The following FAM135B variants were observed in gnomAD, a reference collection of about 807,000 sequenced individuals.
The protein encoded by FAM135B is protein FAM135B.
In FAM135B, 43 loss-of-function variants were observed where a neutral mutation model predicts 127.7. The ratio of observed to expected loss-of-function variants is 0.34; its 90% CI spans 0.26 to 0.43. The LOEUF is 0.43. Ranked by LOEUF, FAM135B falls within the 20% of genes least tolerant of loss-of-function variation. The pLI, the probability that FAM135B is intolerant of heterozygous loss-of-function variation, is 1.00. For missense variants in FAM135B, 1,558 were observed against 1,725.6 expected, an observed-to-expected ratio of 0.90 and a Z score of 1.72; for synonymous variants, 670 against 665.1, an observed-to-expected ratio of 1.01 and a Z score of -0.11.
At chr8:138,341,675 C>A (rs962817737) in intron 2 of FAM135B, among the ~76,000 whole-genome samples, 64 of 152,216 alleles carry the variant, frequency 4.2e-4, no homozygotes, top group African/African-American at 1.5e-3. Flanking sequence ...CTGCAAGAAT[C>A]CCCTGGAATC....
intron 1 of FAM135B, among the ~76,000 whole-genome samples, chr8:138,485,111 T>C (rs1289984003): frequency 1.3e-5 from 2 of 152,252 alleles, no homozygotes; most frequent in Non-Finnish European, 2.9e-5. Context: ...CAAATAGTTT[T>C]ATATTTAATT....
At chr8:138,411,508 C>T (rs200774206) in intron 1 of FAM135B, among the ~76,000 whole-genome samples, 4 of 152,090 alleles carry the variant, frequency 2.6e-5, no homozygotes, top group Non-Finnish European at 4.4e-5. Flanking sequence ...AAGACTTAAA[C>T]GTTTGACCTA....
intron 1 of FAM135B, among the ~76,000 whole-genome samples, chr8:138,394,268 C>T (rs1183716639): frequency 6.6e-6 from 1 of 152,144 alleles, no homozygotes; most frequent in Non-Finnish European, 1.5e-5. Flanking sequence ...GCCACCAGCT[C>T]CTGAGCTGAG....
chr8:138,152,378 C>T lies in FAM135B; in HGVS notation c.2097G>A (p.Glu699=), dbSNP rs2130767195. The part of the protein sequence containing the change: ...ESEPSSVAWS[E]ARSRALELPS... Reference sequence around the variant, plus strand: ...GCAACTCCAGAGCCCTGCTTCGGGCCTCTGACCAGGCGACGGAGCTTGGCT... The same window carrying T: ...GCAACTCCAGAGCCCTGCTTCGGGCTTCTGACCAGGCGACGGAGCTTGGCT... Residue 699 remains glutamate, a synonymous_variant, in exon 13 of 20, where the codon GAG becomes GAA. Coordinates refer to ENST00000395297, the MANE Select transcript of FAM135B (RefSeq NM_015912.4). 1 of 1,614,172 alleles carries T rather than the reference C, an allele frequency of 6.2e-7. No individual in the cohort carries two copies. Among genetic ancestry groups the T allele is most frequent in the Middle Eastern group, 1.6e-4 (1 of 6,062 alleles).
At chr8:138,412,059 AC>A (rs1364197115) in intron 1 of FAM135B, among the ~76,000 whole-genome samples, 1 of 152,166 alleles carries the variant, frequency 6.6e-6, no homozygotes, top group Non-Finnish European at 1.5e-5. Flanking sequence ...AGTGGGGACT[AC>A]TAGAAGGGGC....
At chr8:138,319,260 C>T (rs141472626) in intron 2 of FAM135B, among the ~76,000 whole-genome samples, 6 of 152,208 alleles carry the variant, frequency 3.9e-5, no homozygotes, top group Non-Finnish European at 5.9e-5. Context: ...GAGCAGGCTA[C>T]CACACTCAGC....
intron 6 of FAM135B, among the ~76,000 whole-genome samples, chr8:138,244,180 T>C (rs1156898277): frequency 1.3e-5 from 2 of 152,164 alleles, no homozygotes; most frequent in African/African-American, 4.8e-5. Context: ...ATAAGATGAT[T>C]GAGGCACAGC....
intron 12 of FAM135B, among the ~76,000 whole-genome samples, chr8:138,167,388 G>T (rs1187753833): frequency 1.3e-5 from 2 of 152,034 alleles, no homozygotes; most frequent in Non-Finnish European, 2.9e-5. Context: ...TAGAGATGGG[G>T]TTTCTCCATT....
At chr8:138,187,896 C>G (rs1468652790) in intron 9 of FAM135B, among the ~76,000 whole-genome samples, 3 of 152,176 alleles carry the variant, frequency 2.0e-5, no homozygotes, top group Non-Finnish European at 2.9e-5. Flanking sequence ...GGGGACTGAG[C>G]TAATCAACAA....
At chr8:138,424,876 A>G (rs1238969942) in intron 1 of FAM135B, among the ~76,000 whole-genome samples, 1 of 152,140 alleles carries the variant, frequency 6.6e-6, no homozygotes, top group Non-Finnish European at 1.5e-5. Flanking sequence ...ACATTTTTTG[A>G]ACCATCCATC....
chr8:138,375,945 G>A (rs572207323), intron 1 of FAM135B, among the ~76,000 whole-genome samples: 76 of 152,250 alleles, frequency 5.0e-4, no homozygotes, highest in African/African-American at 1.8e-3. Context: ...TTACCCGGTT[G>A]TCTGGGCATC....
At chr8:138,196,002 G>A (rs1371224344) in intron 8 of FAM135B, among the ~76,000 whole-genome samples, 1 of 152,178 alleles carries the variant, frequency 6.6e-6, no homozygotes, top group African/African-American at 2.4e-5. Flanking sequence ...GACCTAATTA[G>A]TAGACACCTC....
intron 7 of FAM135B, among the ~76,000 whole-genome samples, chr8:138,237,441 G>C (rs565589920): frequency 6.6e-6 from 1 of 152,142 alleles, no homozygotes; most frequent in African/African-American, 2.4e-5. Context: ...GACTACAGGC[G>C]TGAGCCACAG....
intron 2 of FAM135B, among the ~76,000 whole-genome samples, chr8:138,347,203 T>C (rs1829480819): frequency 6.6e-6 from 1 of 152,200 alleles, no homozygotes; most frequent in African/African-American, 2.4e-5. Flanking sequence ...GAATGGGACT[T>C]GACAGAATGT....
At chr8:138,206,309 CTACCCACAGCT>C (rs1563768648) in intron 7 of FAM135B, among the ~76,000 whole-genome samples, 1 of 151,198 alleles carries the variant, frequency 6.6e-6, no homozygotes, top group Admixed American at 6.6e-5. Flanking sequence ...TCCCCTCCAC[CTACCCACAGCT>C]CTATCATCCC....
chr8:138,265,444 G>A (rs1046417913), intron 4 of FAM135B, among the ~76,000 whole-genome samples: 4 of 152,162 alleles, frequency 2.6e-5, no homozygotes, highest in South Asian at 2.1e-4. Context: ...GGCAAATGAG[G>A]AGGGAAGAAG....
chr8:138,133,555 T>C (rs1816374936), intron 19 of FAM135B, among the ~76,000 whole-genome samples: 1 of 152,234 alleles, frequency 6.6e-6, no homozygotes, highest in Admixed American at 6.5e-5. Flanking sequence ...AGCTGGGATA[T>C]TTTACTTTTG....
At chr8:138,279,624 T>C (rs1824106355) in intron 3 of FAM135B, among the ~76,000 whole-genome samples, 1 of 151,842 alleles carries the variant, frequency 6.6e-6, no homozygotes, top group Non-Finnish European at 1.5e-5. Context: ...AAAGTAATCA[T>C]GAAAGATTAG....
intron 2 of FAM135B, among the ~76,000 whole-genome samples, chr8:138,335,917 C>T (rs542276081): frequency 1.0e-3 from 155 of 152,298 alleles, no homozygotes; most frequent in African/African-American, 3.6e-3. Flanking sequence ...TCTCAGACCA[C>T]AGTGCAATCA....
Sources: gnomAD v4.1 joint callset for allele counts (sites outside exome capture counted in the v4.1 genomes callset) on GRCh38, gnomAD v4.1.1 for gene constraint, MANE v1.5 for transcripts, NCBI Gene and HGNC (gene_info 2026-07-23, HGNC 2026-07-21) for gene names.